The following KCNJ3 variants were observed in gnomAD, a reference collection of about 807,000 sequenced individuals.
KCNJ3 encodes the protein potassium inwardly rectifying channel subfamily J member 3.
Under a neutral mutation model 39.2 loss-of-function variants are expected in KCNJ3, and 4 were observed. That is an observed-to-expected ratio of 0.10 (90% CI 0.05 to 0.23). The LOEUF is 0.23. Among genes scored for constraint, KCNJ3 ranks in the 10% least tolerant of loss-of-function variants. KCNJ3 has a pLI of 1.00. For missense variants in KCNJ3, 276 were observed against 634.9 expected (o/e 0.43, Z 6.08); for synonymous variants, 230 against 237.4 (o/e 0.97, Z 0.29).
chr2:154,800,790 G>A (rs112535511), intron 2 of KCNJ3, among the ~76,000 whole-genome samples: 4 of 152,190 alleles, frequency 2.6e-5, no homozygotes, highest in South Asian at 2.1e-4. Context: ...TGTCACTGCT[G>A]TGCTGTTCTA....
chr2:154,794,206 C>T (rs1686683733), intron 2 of KCNJ3, among the ~76,000 whole-genome samples: 1 of 151,742 alleles, frequency 6.6e-6, no homozygotes, highest in African/African-American at 2.4e-5. Context: ...TTGTTTTTGC[C>T]AGATAAAAAG....
At chr2:154,745,464 A>G (rs1246254922) in intron 2 of KCNJ3, among the ~76,000 whole-genome samples, 2 of 151,990 alleles carry the variant, frequency 1.3e-5, no homozygotes, top group Non-Finnish European at 2.9e-5. Flanking sequence ...TTTCATCATT[A>G]TTTAATATAC....
intron 2 of KCNJ3, among the ~76,000 whole-genome samples, chr2:154,802,223 T>C (rs868507728): frequency 7.2e-5 from 11 of 152,208 alleles, no homozygotes; most frequent in South Asian, 6.2e-4. Context: ...TTTTCTCTTA[T>C]GCGCTACCTG....
intron 2 of KCNJ3, among the ~76,000 whole-genome samples, chr2:154,738,059 G>C (rs1030125533): frequency 4.6e-5 from 7 of 152,032 alleles, no homozygotes; most frequent in African/African-American, 1.7e-4. Context: ...CACTTATTTT[G>C]CTTCCAAATC....
intron 2 of KCNJ3, among the ~76,000 whole-genome samples, chr2:154,843,238 T>A (rs1687607696): frequency 6.6e-6 from 1 of 152,208 alleles, no homozygotes; most frequent in African/African-American, 2.4e-5. Flanking sequence ...TGAAAATTCT[T>A]TGCTTTGAGA....
chr2:154,742,882 T>C (rs1685675774), intron 2 of KCNJ3, among the ~76,000 whole-genome samples: 1 of 151,816 alleles, frequency 6.6e-6, no homozygotes. Flanking sequence ...TTTCATTAAG[T>C]CCAATTTGTC....
At chr2:154,815,808 C>T (rs574970054) in intron 2 of KCNJ3, among the ~76,000 whole-genome samples, 1 of 152,290 alleles carries the variant, frequency 6.6e-6, no homozygotes, top group African/African-American at 2.4e-5. Context: ...ACTTACCAAG[C>T]CTGTATCCAT....
In KCNJ3 at chr2:154,785,334, T is replaced by TAGAAGAAG. The variant is rs1574461674; in HGVS notation, c.920-69393_920-69392insAGAAGAAG. On this transcript the variant is annotated intron_variant, in intron 2 of 2. Coordinates refer to ENST00000295101, the MANE Select transcript of KCNJ3 (RefSeq NM_002239.4). Reference sequence around the variant, plus strand: ...TGGTTTCTTCTGAGGACCCTCCTCCTGCCTTACAGATGGCCATCTTCTTGC... The same window carrying TAGAAGAAG: ...TGGTTTCTTCTGAGGACCCTCCTCCTAGAAGAAGGCCTTACAGATGGCCATCTTCTTGC... Among the ~76,000 whole-genome samples, 7 of 152,320 alleles carry TAGAAGAAG rather than the reference T, an allele frequency of 4.6e-5. No individual in the cohort carries two copies. The East Asian group carries it at 1.2e-3, about 25-fold the overall frequency.
At position 154,854,789 on chromosome 2, in the gene KCNJ3, T is replaced by C; in HGVS notation, c.982T>C (p.Phe328Leu). 1 of 1,613,964 alleles carries C rather than the reference T, an allele frequency of 6.2e-7. No individual in the cohort carries two copies. The highest frequency in any genetic ancestry group is 8.5e-7 in the Non-Finnish European group (1 of 1,179,932). ...EDEVLWGHRF[F>L]PVISLEEGFF... ...TGAAGTTCTTTGGGGTCATCGTTTT[T>C]TTCCTGTAATTTCCTTAGAAGAGGG... Residue 328 changes from phenylalanine (F) to leucine (L), a missense_variant, in exon 3 of 3, where the codon TTT (phenylalanine) becomes CTT (leucine). Transcript: ENST00000295101.
At chr2:154,732,798 G>T (rs755340531) in intron 2 of KCNJ3, among the ~76,000 whole-genome samples, 3 of 152,028 alleles carry the variant, frequency 2.0e-5, no homozygotes, top group Non-Finnish European at 4.4e-5. Flanking sequence ...AAACAATCTG[G>T]CAAGATATCA....
intron 2 of KCNJ3, among the ~76,000 whole-genome samples, chr2:154,752,033 A>T (rs1356440657): frequency 6.6e-6 from 1 of 152,082 alleles, no homozygotes; most frequent in Non-Finnish European, 1.5e-5. Context: ...CACAATTCAC[A>T]CCATAACACC....
chr2:154,722,130 A>AT (rs35965372), intron 2 of KCNJ3, among the ~76,000 whole-genome samples: 47,565 of 148,682 alleles, frequency 0.32, 7,526 homozygotes, highest in African/African-American at 0.35. Flanking sequence ...AACTACAAAG[A>AT]TTTTTTTTTT....
At chr2:154,750,337 T>A (rs1371657331) in intron 2 of KCNJ3, among the ~76,000 whole-genome samples, 3 of 151,968 alleles carry the variant, frequency 2.0e-5, no homozygotes, top group Admixed American at 6.6e-5. Flanking sequence ...ATTATGCTAC[T>A]AATTGTTGCT....
chr2:154,762,898 A>T (rs1256685461), intron 2 of KCNJ3, among the ~76,000 whole-genome samples: 1 of 152,196 alleles, frequency 6.6e-6, no homozygotes, highest in Non-Finnish European at 1.5e-5. Context: ...AGAAATAAAA[A>T]GCGGGTAGGG....
At position 154,775,280 on chromosome 2, in the gene KCNJ3, A is replaced by G. The variant is rs1487904450; in HGVS notation, c.919+65461A>G. The stretch of plus-strand genomic sequence containing the variant: ...TTGCCTTCTTCATAATATTTAGTGA[A>G]TATCACAAAAACTTATAAATGACAT... On this transcript the variant is annotated intron_variant, in intron 2 of 2. Transcript: ENST00000295101. 3.3e-5 allele frequency among the ~76,000 whole-genome samples: 5 copies of G among 152,158 alleles called. No individual in the cohort carries two copies. In the East Asian group the frequency reaches 9.6e-4, roughly 29 times the overall value.
intron 2 of KCNJ3, among the ~76,000 whole-genome samples, chr2:154,721,704 G>A (rs561538531): frequency 5.3e-5 from 8 of 152,102 alleles, no homozygotes; most frequent in African/African-American, 1.9e-4. Context: ...CTACCATCAA[G>A]TTGAATAGTA....
At chr2:154,784,099 C>A (rs117701961) in intron 2 of KCNJ3, among the ~76,000 whole-genome samples, 11 of 151,996 alleles carry the variant, frequency 7.2e-5, no homozygotes, top group Admixed American at 2.6e-4. Context: ...TTTAATGATA[C>A]GTCAACAATT....
Position 154,857,343 on chromosome 2 carries a change from T to C in KCNJ3, c.*2030T>C, listed in dbSNP as rs998941258. ...AGCCATAATTTACTTTGGAGAGTCATTTTAATTTGTCTTTGGTACCAAGGA... is the reference window on the plus strand; with the variant it reads ...AGCCATAATTTACTTTGGAGAGTCACTTTAATTTGTCTTTGGTACCAAGGA... On this transcript the variant is annotated 3_prime_UTR_variant, in exon 3 of 3. Transcript: ENST00000295101. The C allele has an allele frequency of 1.3e-5, 2 of 152,144 alleles. No individual in the cohort carries two copies. The highest frequency in any genetic ancestry group is 4.8e-5 in the African/African-American group (2 of 41,434). The allele number at this position is 152,144 out of a possible 1,614,324, so 9.4% of individuals were successfully genotyped here.
chr2:154,773,083 G>A (rs1574457093), intron 2 of KCNJ3, among the ~76,000 whole-genome samples: 1 of 152,006 alleles, frequency 6.6e-6, no homozygotes, highest in East Asian at 1.9e-4. Flanking sequence ...AATAAATTAA[G>A]CAAGGGATAA....
Sources: gnomAD v4.1 joint callset for allele counts (sites outside exome capture counted in the v4.1 genomes callset) on GRCh38, gnomAD v4.1.1 for gene constraint, MANE v1.5 for transcripts, NCBI Gene and HGNC (gene_info 2026-07-23, HGNC 2026-07-21) for gene names.